CPLX2: variants seen among roughly 807,000 people sequenced by gnomAD.
The protein encoded by CPLX2 is complexin 2, also known as complexin-2.
CPLX2 carries 5 observed loss-of-function variants against 16.3 expected under a neutral mutation model. The ratio of observed to expected loss-of-function variants is 0.31; its 90% CI spans 0.16 to 0.64. The LOEUF is 0.64. CPLX2 is among the 30% of genes least tolerant of loss of function. The pLI, the probability that CPLX2 is intolerant of heterozygous loss-of-function variation, is 0.79. For missense variants in CPLX2, 144 were observed against 181.4 expected (o/e 0.79, Z 1.18); for synonymous variants, 89 against 73.2 (o/e 1.22, Z -1.10).
At chr5:175,807,112 G>A (rs560033622) in intron 1 of CPLX2, among the ~76,000 whole-genome samples, 1 of 152,152 alleles carries the variant, frequency 6.6e-6, no homozygotes, top group African/African-American at 2.4e-5. Flanking sequence ...CGTGCTCAAC[G>A]GGCCCCTCGC....
chr5:175,856,082 A>C (rs1759252023), intron 2 of CPLX2, among the ~76,000 whole-genome samples: 1 of 152,196 alleles, frequency 6.6e-6, no homozygotes, highest in Non-Finnish European at 1.5e-5. Context: ...TTAAGAGAGC[A>C]AATTCTTGGA....
intron 2 of CPLX2, among the ~76,000 whole-genome samples, chr5:175,855,133 G>A (rs989887649): frequency 3.3e-5 from 5 of 152,348 alleles, no homozygotes; most frequent in East Asian, 1.9e-4. Context: ...CATGACAGTC[G>A]GCAGGGAGAG....
At chr5:175,806,334 T>A (rs1758200520) in intron 1 of CPLX2, among the ~76,000 whole-genome samples, 1 of 152,174 alleles carries the variant, frequency 6.6e-6, no homozygotes, top group African/African-American at 2.4e-5. Context: ...CCACTTGGCC[T>A]CTGCAAATCC....
chr5:175,855,518 G>T (rs969400036), intron 2 of CPLX2, among the ~76,000 whole-genome samples: 2 of 152,068 alleles, frequency 1.3e-5, no homozygotes, highest in African/African-American at 4.8e-5. Context: ...GTAGATCTCT[G>T]GATTTCAGGA....
chr5:175,821,490 C>T (rs1272985720), intron 2 of CPLX2, among the ~76,000 whole-genome samples: 56 of 152,150 alleles, frequency 3.7e-4, no homozygotes, highest in Non-Finnish European at 5.9e-5. Flanking sequence ...TCATTGCAAC[C>T]TCTGCCTCCT....
At position 175,849,983 on chromosome 5, in the gene CPLX2, C is replaced by T. The variant is rs1203415010; in HGVS notation, c.-88-28669C>T. ...TGTTTCCCACTGAATCAGGGGCTCC[C>T]TGTGCTCCAAAGGAGCCACATACAC... On this transcript the variant is annotated intron_variant, in intron 2 of 4. Coordinates refer to the CPLX2 transcript ENST00000359546. This position sits in a 1 kb window ranked among gnomAD's most constrained non-coding sequence, Gnocchi z 4.4. 6.6e-6 allele frequency among the ~76,000 whole-genome samples: 1 copy of T among 152,204 alleles called. No homozygotes were observed. Among genetic ancestry groups the T allele is most frequent in the Non-Finnish European group, 1.5e-5 (1 of 68,038 alleles).
At chr5:175,844,247 A>T (rs1759000572) in intron 2 of CPLX2, among the ~76,000 whole-genome samples, 1 of 152,246 alleles carries the variant, frequency 6.6e-6, no homozygotes, top group African/African-American at 2.4e-5. Flanking sequence ...GAATGTTAGC[A>T]GCGGGATGGA....
intron 1 of CPLX2, among the ~76,000 whole-genome samples, chr5:175,801,031 G>A (rs1335350007): frequency 6.6e-6 from 1 of 152,130 alleles, no homozygotes; most frequent in African/African-American, 2.4e-5. Context: ...TGAGGGGAGA[G>A]CAGCAGCCGC....
rs536266536 is a variant in CPLX2, at chr5:175,830,010, G to A, written c.-89+20942G>A. Among the ~76,000 whole-genome samples, 7 of 152,332 alleles carry A rather than the reference G, an allele frequency of 4.6e-5. No individual in the cohort carries two copies. The highest frequency in any genetic ancestry group is 1.3e-4 in the Admixed American group (2 of 15,306). On this transcript the variant is annotated intron_variant, in intron 2 of 4. Coordinates refer to the CPLX2 transcript ENST00000359546. The surrounding 1 kb of genome is among the most constrained non-coding windows in gnomAD (Gnocchi z 4.0). ...AGCCGCTGAACCTTCTGCTGTTGGT[G>A]GAAGCCAGTCACAGGTCACTGCCTA...
chr5:175,802,787 C>T (rs919349399), intron 1 of CPLX2, among the ~76,000 whole-genome samples: 2 of 152,216 alleles, frequency 1.3e-5, no homozygotes, highest in Non-Finnish European at 2.9e-5. Flanking sequence ...CAGGCACATA[C>T]CAGATGCTCA....
At chr5:175,865,131 T>C (rs1333482189) in intron 2 of CPLX2, among the ~76,000 whole-genome samples, 2 of 152,006 alleles carry the variant, frequency 1.3e-5, no homozygotes, top group Non-Finnish European at 2.9e-5. Flanking sequence ...TCCAGTAGCA[T>C]TCCTCTGCCC....
In CPLX2 at chr5:175,872,489, C is replaced by A. The variant is rs1257626327; in HGVS notation, c.-89+784C>A. 6.6e-6 allele frequency among the ~76,000 whole-genome samples: 1 copy of A among 152,132 alleles called. No individual in the cohort carries two copies. The highest frequency in any genetic ancestry group is 2.1e-4 in the South Asian group (1 of 4,826). On this transcript the variant is annotated intron_variant, in intron 1 of 3. Transcript: ENST00000393745. The surrounding 1 kb of genome is among the most constrained non-coding windows in gnomAD (Gnocchi z 5.0). ...GGAAGGGGCGCTCTCCGTGGCCCAC[C>A]GGGAGATCCAGGACAGAGCTGCTGG...
At chr5:175,851,172 G>A (rs942234766) in intron 2 of CPLX2, among the ~76,000 whole-genome samples, 3 of 152,118 alleles carry the variant, frequency 2.0e-5, no homozygotes, top group Non-Finnish European at 4.4e-5. Flanking sequence ...CCACTTTCTT[G>A]TCTCTTCAAA....
intron 2 of CPLX2, among the ~76,000 whole-genome samples, chr5:175,811,336 T>C (rs987533028): frequency 6.6e-6 from 1 of 152,164 alleles, no homozygotes; most frequent in African/African-American, 2.4e-5. Flanking sequence ...AAGGAGGATC[T>C]TTCTCCAGCC....
intron 2 of CPLX2, among the ~76,000 whole-genome samples, chr5:175,864,600 T>C (rs1013788955): frequency 6.6e-6 from 1 of 152,212 alleles, no homozygotes; most frequent in African/African-American, 2.4e-5. Context: ...TAGCTCTTAG[T>C]GAAGCATTTG....
intron 2 of CPLX2, among the ~76,000 whole-genome samples, chr5:175,856,647 G>A (rs1759262817): frequency 6.6e-6 from 1 of 152,222 alleles, no homozygotes; most frequent in African/African-American, 2.4e-5. Flanking sequence ...CTGTCCTGAG[G>A]TGAGGAGGGA....
intron 2 of CPLX2, among the ~76,000 whole-genome samples, chr5:175,814,894 G>A (rs915878432): frequency 4.6e-5 from 7 of 152,200 alleles, no homozygotes; most frequent in Non-Finnish European, 8.8e-5. Flanking sequence ...CTGGCTTGGC[G>A]TGGGTCCCGT....
In CPLX2 at chr5:175,850,896, G is replaced by C. The variant is rs74785491; in HGVS notation, c.-88-27756G>C. The stretch of plus-strand genomic sequence containing the variant: ...GGCTGAGGCAGAGACACAACTAGGA[G>C]GCTGTGTGTGGTGCAGAGTGGGGCT... On this transcript the variant is annotated intron_variant, in intron 2 of 4. Transcript: ENST00000359546. Among the ~76,000 whole-genome samples the C allele has an allele frequency of 6.5e-3, 985 of 152,132 alleles. 6 individuals carry two copies. Among genetic ancestry groups the C allele is most frequent in the Non-Finnish European group, 0.011 (719 of 67,996 alleles).
At chr5:175,838,742 G>A (rs1758890704) in intron 2 of CPLX2, among the ~76,000 whole-genome samples, 1 of 152,124 alleles carries the variant, frequency 6.6e-6, no homozygotes, top group Admixed American at 6.5e-5. Context: ...GGAATGAGGG[G>A]ACCCAGGCAG....
Sources: allele counts gnomAD v4.1 joint callset (sites outside exome capture counted in the v4.1 genomes callset), GRCh38; gene constraint gnomAD v4.1.1; non-coding constraint Gnocchi (gnomAD v3.1); transcripts MANE v1.5; gene names NCBI Gene and HGNC (gene_info 2026-07-23, HGNC 2026-07-21).